The following DNAH11 variants were observed in gnomAD, a reference collection of about 807,000 sequenced individuals.
DNAH11 encodes axonemal beta dynein heavy chain 11.
A neutral mutation model predicts 526.0 loss-of-function variants in DNAH11; 442 were observed. The ratio of observed to expected loss-of-function variants is 0.84; its 90% CI spans 0.78 to 0.91. DNAH11 has a LOEUF of 0.91. Among genes scored for constraint, DNAH11 ranks in the 40% least tolerant of loss-of-function variants. The pLI is 0.00. For synonymous variants in DNAH11, 2,461 were observed against 1,935.9 expected (o/e 1.27, Z -7.12); for missense variants, 6,989 against 5,448.7 (o/e 1.28, Z -8.90).
intron 14 of DNAH11, among the ~76,000 whole-genome samples, chr7:21,594,515 C>G (rs1220465179): frequency 1.3e-5 from 2 of 152,024 alleles, no homozygotes; most frequent in South Asian, 2.1e-4. Flanking sequence ...GGAAAAAGAT[C>G]AAATTGGAGC....
chr7:21,571,839 C>T lies in DNAH11; in HGVS notation c.1459C>T (p.Leu487=). The T allele has an allele frequency of 6.2e-7, 1 of 1,612,868 alleles. No homozygotes were observed. Among genetic ancestry groups the T allele is most frequent in the South Asian group, 1.1e-5 (1 of 90,896 alleles). The change falls in exon 8 of 82, where the codon CTG becomes TTG. Residue 487 remains leucine (L), a synonymous_variant. Coordinates refer to ENST00000409508, the MANE Select transcript of DNAH11 (RefSeq NM_001277115.2). ...TGCCACCACTTTGGAATTTGAAAAG[C>T]TGGAAAGACTGGAATTTGGTGGTAC... ...IFATTLEFEK[L]ERLEFGGTKG... is the part of the protein sequence containing the mutation.
intron 2 of DNAH11, among the ~76,000 whole-genome samples, chr7:21,550,506 T>G (rs751487157): frequency 6.6e-6 from 1 of 152,176 alleles, no homozygotes; most frequent in Non-Finnish European, 1.5e-5. Flanking sequence ...CCAAGTCTTT[T>G]CTTGGGGCTG....
At chr7:21,719,787 A>T (rs1784805945) in intron 43 of DNAH11, among the ~76,000 whole-genome samples, 1 of 152,222 alleles carries the variant, frequency 6.6e-6, no homozygotes, top group African/African-American at 2.4e-5. Context: ...CTGATCTGTG[A>T]TCGCTTGCGT....
intron 77 of DNAH11, 80 bp from the exon 78 acceptor site, chr7:21,894,543 C>T: frequency 1.4e-6 from 2 of 1,427,598 alleles, no homozygotes; most frequent in Non-Finnish European, 1.9e-6. Flanking sequence ...TCTGTAACTT[C>T]AAAAAGTAGA....
chr7:21,832,234 G>A (rs1781813433), intron 65 of DNAH11, among the ~76,000 whole-genome samples: 1 of 152,130 alleles, frequency 6.6e-6, no homozygotes, highest in African/African-American at 2.4e-5. Context: ...ATGCTAGCTG[G>A]TTGTTTTGCC....
At chr7:21,563,309 A>T (rs1783539996) in intron 5 of DNAH11, among the ~76,000 whole-genome samples, 1 of 151,938 alleles carries the variant, frequency 6.6e-6, no homozygotes, top group Non-Finnish European at 1.5e-5. Context: ...CCCAGGCTCA[A>T]GTGATCCTTC....
intron 34 of DNAH11, 57 bp from the exon 35 acceptor site, chr7:21,690,708 A>T: frequency 7.7e-7 from 1 of 1,298,124 alleles, no homozygotes; most frequent in South Asian, 1.3e-5. Flanking sequence ...GCATTTGTCA[A>T]TGTGCATTCA....
At chr7:21,724,473 C>T (rs899008529) in intron 44 of DNAH11, among the ~76,000 whole-genome samples, 4 of 152,212 alleles carry the variant, frequency 2.6e-5, no homozygotes, top group South Asian at 2.1e-4. Context: ...GGAAAAATCA[C>T]GGTTGAAGTC....
chr7:21,717,821 G>C lies in DNAH11; in HGVS notation c.7030G>C (p.Ala2344Pro). Residue 2344 changes from alanine (A) to proline (P), a missense_variant, in exon 43 of 82, where the codon GCC becomes CCC. By Grantham distance (27) the Ala-to-Pro change is conservative. Coordinates refer to ENST00000409508, the MANE Select transcript of DNAH11 (RefSeq NM_001277115.2). ...CAGAAGGCGGCATCAATCAGAAAAG[G>C]CCAATTTGACTATTCTTTTTGATAA... ...IDRRRHQSEKANLTILFDKYV... is the reference protein window; with the variant it reads ...IDRRRHQSEKPNLTILFDKYV... 6.2e-7 allele frequency: 1 copy of C among 1,613,816 alleles called. No homozygotes were observed. Among genetic ancestry groups the C allele is most frequent in the Middle Eastern group, 1.6e-4 (1 of 6,062 alleles).
intron 66 of DNAH11, chr7:21,851,176 G>A (rs1341131982): frequency 6.1e-6 from 1 of 163,982 alleles, no homozygotes; most frequent in Non-Finnish European, 1.3e-5. Context: ...CACGGGATTG[G>A]TTTCCTCCAT....
At chr7:21,804,936 C>T (rs1418571153) in intron 62 of DNAH11, among the ~76,000 whole-genome samples, 1 of 152,110 alleles carries the variant, frequency 6.6e-6, no homozygotes, top group Non-Finnish European at 1.5e-5. Flanking sequence ...TCCTGGATAC[C>T]CCTCTGTCCT....
chr7:21,578,415 T>C (rs1427627030), intron 8 of DNAH11, among the ~76,000 whole-genome samples: 2 of 152,202 alleles, frequency 1.3e-5, no homozygotes, highest in African/African-American at 2.4e-5. Flanking sequence ...ATATAAGAGG[T>C]GGGCTTCCAA....
Position 21,658,798 on chromosome 7 carries a change from G to A in DNAH11, c.5095G>A (p.Val1699Met). Residue 1699 changes from valine to methionine, a missense_variant and splice_region_variant, in exon 30 of 82, where the codon GTG (valine) becomes ATG (methionine). Coordinates refer to ENST00000409508, the MANE Select transcript of DNAH11 (RefSeq NM_001277115.2). The stretch of plus-strand genomic sequence containing the variant: ...ATAACATTTCAACTTGCTTCCAAAG[G>A]TGGAAACATGGCTTCTGCAACTTGA... ...FQAECECVGHVETWLLQLEQT... is the reference protein window; with the variant it reads ...FQAECECVGHMETWLLQLEQT... 6.4e-7 allele frequency: 1 copy of A among 1,569,448 alleles called. No homozygotes were observed. Among genetic ancestry groups the A allele is most frequent in the Non-Finnish European group, 8.6e-7 (1 of 1,156,604 alleles).
At chr7:21,677,500 GCCTCCC>G (rs1287864139) in intron 30 of DNAH11, among the ~76,000 whole-genome samples, 1 of 152,148 alleles carries the variant, frequency 6.6e-6, no homozygotes, top group African/African-American at 2.4e-5. Flanking sequence ...TCCTGCCTCA[GCCTCCC>G]GTGTAGCTGG....
At chr7:21,667,419 T>A (rs772229338) in intron 30 of DNAH11, among the ~76,000 whole-genome samples, 19 of 152,144 alleles carry the variant, frequency 1.2e-4, no homozygotes, top group Non-Finnish European at 2.9e-5. Context: ...AAGAAGCAAT[T>A]CATAATTTGT....
At chr7:21,648,421 C>T (rs1787459692) in intron 28 of DNAH11, among the ~76,000 whole-genome samples, 1 of 152,170 alleles carries the variant, frequency 6.6e-6, no homozygotes, top group Non-Finnish European at 1.5e-5. Context: ...TTTTGTATAT[C>T]ATCACTTGCC....
chr7:21,838,265 A>G (rs563367655), intron 65 of DNAH11, among the ~76,000 whole-genome samples: 2 of 152,366 alleles, frequency 1.3e-5, no homozygotes, highest in Admixed American at 1.3e-4. Context: ...TGCTCAAAAG[A>G]CAAGCGTGAA....
intron 54 of DNAH11, among the ~76,000 whole-genome samples, chr7:21,759,245 A>T (rs1044230439): frequency 2.0e-5 from 3 of 152,198 alleles, no homozygotes; most frequent in Non-Finnish European, 2.9e-5. Flanking sequence ...AGAAAGAAAA[A>T]TTAACTAAAA....
At chr7:21,554,891 C>T (rs1323370945) in intron 2 of DNAH11, among the ~76,000 whole-genome samples, 1 of 152,142 alleles carries the variant, frequency 6.6e-6, no homozygotes, top group Non-Finnish European at 1.5e-5. Flanking sequence ...ATTATTTTCT[C>T]AAATTTGGAT....
Sources: gnomAD v4.1 joint callset for allele counts (sites outside exome capture counted in the v4.1 genomes callset) on GRCh38, gnomAD v4.1.1 for gene constraint, MANE v1.5 for transcripts, NCBI Gene and HGNC (gene_info 2026-07-23, HGNC 2026-07-21) for gene names.